C16orf96: variants seen among roughly 807,000 people sequenced by gnomAD.
C16orf96 encodes the protein chromosome 16 open reading frame 96.
Under a neutral mutation model 103.6 loss-of-function variants are expected in C16orf96, and 108 were observed. The ratio of observed to expected loss-of-function variants is 1.04; its 90% confidence interval spans 0.89 to 1.22. The LOEUF (loss-of-function observed/expected upper bound fraction) is 1.22, where lower values mean the gene tolerates loss of function less well. Ranked by LOEUF, C16orf96 falls within the 50% of genes most tolerant of loss-of-function variation. The pLI is 0.00. For missense variants in C16orf96, 1,586 were observed against 1,464.2 expected, an observed-to-expected ratio of 1.08 and a Z score of -1.36; for synonymous variants, 566 against 593.5, an observed-to-expected ratio of 0.95 and a Z score of 0.67.
chr16:4,585,423 C>G (rs1035326467), intron 7 of C16orf96, among the ~76,000 whole-genome samples: 1 of 151,826 alleles, frequency 6.6e-6, no homozygotes, highest in Non-Finnish European at 1.5e-5. Flanking sequence ...AGCCACTTTA[C>G]TCCAGCCTGA....
chr16:4,568,006 T>TTTTGTTTG (rs755576852), intron 1 of C16orf96, among the ~76,000 whole-genome samples: 2 of 151,936 alleles, frequency 1.3e-5, no homozygotes, highest in Non-Finnish European at 2.9e-5. Flanking sequence ...TGTTTTTGTT[T>TTTTGTTTG]TTTGTTTGTT....
At chr16:4,580,259 C>A in intron 7 of C16orf96, 134 bp downstream of exon 7, 37 of 560,752 alleles carry the variant, frequency 6.6e-5, no homozygotes, top group East Asian at 1.2e-4. Flanking sequence ...GCTTTACTGG[C>A]ATTTTACTGT....
intron 1 of C16orf96, 60 bp downstream of exon 1, chr16:4,556,969 A>T: frequency 6.9e-7 from 1 of 1,457,704 alleles, no homozygotes; most frequent in South Asian, 1.4e-5. Flanking sequence ...CTCTCCTGGG[A>T]CGTCTTTTTT....
chr16:4,592,065 G>C (rs537665802), intron 10 of C16orf96, among the ~76,000 whole-genome samples: 2 of 152,316 alleles, frequency 1.3e-5, no homozygotes, highest in South Asian at 4.1e-4. Flanking sequence ...CAGGCAGAGG[G>C]ACCCAATATT....
At position 4,580,020 on chromosome 16, in the gene C16orf96, A is replaced by G. The variant is rs372683003; in HGVS notation, c.2247A>G (p.Glu749=). ...TCTGTGTCTCCCCCTTTTAGGAGGA[A>G]GAACTTGAGAGAATTTGGGGCAACC... is the stretch of plus-strand genomic sequence containing the variant. ...GSLQKSRLKE[E]ELERIWGNQI... is the part of the protein sequence containing the mutation. The change falls in exon 7 of 16, where the codon GAA becomes GAG. Residue 749 remains glutamate (E), a synonymous_variant. Coordinates refer to ENST00000444310, the MANE Select transcript of C16orf96 (RefSeq NM_001145011.2). The G allele has an allele frequency of 9.7e-6, 15 of 1,551,164 alleles. No individual in the cohort carries two copies. The African/African-American group carries it at 2.1e-4, about 21-fold the overall frequency.
chr16:4,540,232 A>C, the C16orf96 span, among the ~76,000 whole-genome samples: 1 of 152,326 alleles, frequency 6.6e-6, no homozygotes, highest in African/African-American at 2.4e-5. Flanking sequence ...ACGCCCTAAC[A>C]GAGTTACGGG....
the C16orf96 span, among the ~76,000 whole-genome samples, chr16:4,543,008 G>A: frequency 6.6e-6 from 1 of 152,074 alleles, no homozygotes; most frequent in African/African-American, 2.4e-5. Context: ...CCTGTTCTAG[G>A]CCTGGAAATA....
intron 5 of C16orf96, among the ~76,000 whole-genome samples, chr16:4,578,217 A>G (rs939602556): frequency 2.2e-4 from 33 of 152,142 alleles, no homozygotes; most frequent in Admixed American, 4.6e-4. Context: ...ATCACAGCTC[A>G]CTGCAGCCTC....
At chr16:4,570,392 A>G in intron 1 of C16orf96, among the ~76,000 whole-genome samples, 1 of 149,948 alleles carries the variant, frequency 6.7e-6, no homozygotes, top group East Asian at 1.9e-4. Context: ...TATAATTATT[A>G]TATCTTCCAG....
chr16:4,553,111 A>G (rs1416698344), upstream of C16orf96, among the ~76,000 whole-genome samples: 3 of 152,172 alleles, frequency 2.0e-5, no homozygotes, highest in African/African-American at 7.2e-5. Context: ...TCACCTCCCC[A>G]GAGGAGCCTC....
intron 5 of C16orf96, among the ~76,000 whole-genome samples, chr16:4,577,008 A>G (rs944591003): frequency 1.3e-5 from 2 of 152,036 alleles, no homozygotes; most frequent in Non-Finnish European, 2.9e-5. Context: ...CCTGACCAAC[A>G]TGGAGAAACC....
chr16:4,551,661 G>T (rs1299434581), upstream of C16orf96, among the ~76,000 whole-genome samples: 1 of 110 alleles, frequency 9.1e-3, no homozygotes. Flanking sequence ...CACCATGTTA[G>T]CCAGGATGTC....
chr16:4,548,472 C>T, the C16orf96 span, among the ~76,000 whole-genome samples: 1 of 152,228 alleles, frequency 6.6e-6, no homozygotes, highest in Non-Finnish European at 1.5e-5. Context: ...TACCTCGTGG[C>T]ACCTGCTACC....
chr16:4,547,659 TCC>T, the C16orf96 span, among the ~76,000 whole-genome samples: 1 of 111,608 alleles, frequency 9.0e-6, no homozygotes, highest in East Asian at 2.5e-4. Context: ...TTTCCTTCCT[TCC>T]TTCCTTCCTT....
chr16:4,546,697 C>G, the C16orf96 span, among the ~76,000 whole-genome samples: 1 of 151,958 alleles, frequency 6.6e-6, no homozygotes, highest in African/African-American at 2.4e-5. Context: ...AACTCCTGGG[C>G]TCAAGCAGTC....
At chr16:4,587,508 A>G (rs1896954336) in intron 8 of C16orf96, among the ~76,000 whole-genome samples, 1 of 144,944 alleles carries the variant, frequency 6.9e-6, no homozygotes, top group Non-Finnish European at 1.5e-5. Flanking sequence ...AGCCTGGGCA[A>G]CAAGAGCAAA....
chr16:4,577,051 C>T (rs960386414), intron 5 of C16orf96, among the ~76,000 whole-genome samples: 4 of 151,882 alleles, frequency 2.6e-5, no homozygotes, highest in Admixed American at 1.3e-4. Context: ...ATTTGCTGGG[C>T]GTGGTGGTGT....
chr16:4,544,342 A>G, the C16orf96 span, among the ~76,000 whole-genome samples: 2 of 152,148 alleles, frequency 1.3e-5, no homozygotes, highest in African/African-American at 4.8e-5. Context: ...GCAATGGCTC[A>G]CTCATGTAAT....
In C16orf96 at chr16:4,597,492, G is replaced by T. The variant is rs144481677; in HGVS notation, c.3128-1792G>T. Among the ~76,000 whole-genome samples the T allele has an allele frequency of 1.2e-4, 18 of 151,808 alleles. No homozygotes were observed. The East Asian group carries it at 3.5e-3, about 29-fold the overall frequency. ...CTAGAGGGAGGGGCTTTCCCCCTTG[G>T]CTCATTCATTCCCAAGACCCACACA... On this transcript the variant is annotated intron_variant, in intron 14 of 15. Transcript: ENST00000444310.
Sources: gnomAD v4.1 joint callset for allele counts (sites outside exome capture counted in the v4.1 genomes callset) on GRCh38, gnomAD v4.1.1 for gene constraint, MANE v1.5 for transcripts, NCBI Gene and HGNC (gene_info 2026-07-23, HGNC 2026-07-21) for gene names.